LRBA: variants seen among roughly 807,000 people sequenced by gnomAD.
LRBA encodes LPS responsive beige-like anchor protein.
LRBA carries 176 observed loss-of-function variants against 330.0 expected under a neutral mutation model. The observed-to-expected ratio is 0.53, with a 90% CI of 0.47 to 0.60. LRBA has a LOEUF of 0.60. Among genes scored for constraint, LRBA ranks in the 20% least tolerant of loss-of-function variants. The pLI is 0.00. For missense variants in LRBA, 3,259 were observed against 3,444.8 expected (o/e 0.95, Z 1.35); for synonymous variants, 1,230 against 1,193.0 (o/e 1.03, Z -0.64).
In LRBA at chr4:150,850,758, A is replaced by G. The variant is rs1469170429; in HGVS notation, c.3970T>C (p.Phe1324Leu). ...ATCTGTATATCTGTTTCTATTGAAAATAATAGATCAGTGAGCAAACGTTGA... is the reference window on the plus strand; with the variant it reads ...ATCTGTATATCTGTTTCTATTGAAAGTAATAGATCAGTGAGCAAACGTTGA... ...MHQRLLTDLL[F>L]SIETDIQMWR... Residue 1324 changes from phenylalanine to leucine, a missense_variant, in exon 24 of 57, where the codon TTT becomes CTT. Coordinates refer to ENST00000651943, the MANE Select transcript of LRBA (RefSeq NM_001364905.1). The G allele has an allele frequency of 4.3e-6, 7 of 1,612,780 alleles. No homozygotes were observed. Among genetic ancestry groups the G allele is most frequent in the East Asian group, 2.2e-5 (1 of 44,832 alleles).
intron 34 of LRBA, among the ~76,000 whole-genome samples, chr4:150,774,069 T>C (rs1026371722): frequency 3.9e-5 from 6 of 152,186 alleles, no homozygotes; most frequent in Non-Finnish European, 7.3e-5. Context: ...TGACATAACA[T>C]AGACATCTTT....
At chr4:150,632,317 A>G (rs1219941336) in intron 37 of LRBA, among the ~76,000 whole-genome samples, 1 of 152,092 alleles carries the variant, frequency 6.6e-6, no homozygotes, top group Non-Finnish European at 1.5e-5. Context: ...GAAAAATACC[A>G]GCAACAGAAT....
intron 37 of LRBA, among the ~76,000 whole-genome samples, chr4:150,661,643 C>A (rs1269823883): frequency 6.6e-6 from 1 of 151,892 alleles, no homozygotes; most frequent in Non-Finnish European, 1.5e-5. Flanking sequence ...CTGAGTCTCA[C>A]TCTATCGCCC....
At chr4:150,776,590 G>T (rs1321754392) in intron 34 of LRBA, among the ~76,000 whole-genome samples, 3 of 152,136 alleles carry the variant, frequency 2.0e-5, no homozygotes, top group Non-Finnish European at 2.9e-5. Flanking sequence ...AAGGCCAGTG[G>T]ATCACCTGAG....
At chr4:150,281,601 G>A (rs889361822) in intron 55 of LRBA, among the ~76,000 whole-genome samples, 17 of 152,132 alleles carry the variant, frequency 1.1e-4, no homozygotes, top group African/African-American at 2.4e-4. Context: ...CTAGCCCAAC[G>A]CCAGGGTAGA....
Position 150,446,325 on chromosome 4 carries a change from C to T in LRBA, c.6781-9461G>A, listed in dbSNP as rs189097983. Among the ~76,000 whole-genome samples, 73 of 152,196 alleles carry T rather than the reference C, an allele frequency of 4.8e-4. 3 individuals are homozygous for T. The highest frequency in any genetic ancestry group is 4.2e-3 in the Admixed American group (64 of 15,292). ...TATTGTTTGGCAAATGTAAATGAGCCTATGTGGTAGCTTTCAGAAGAAACA... is the reference window on the plus strand; with the variant it reads ...TATTGTTTGGCAAATGTAAATGAGCTTATGTGGTAGCTTTCAGAAGAAACA... On this transcript the variant is annotated intron_variant, in intron 44 of 56. Coordinates refer to ENST00000651943, the MANE Select transcript of LRBA (RefSeq NM_001364905.1).
At chr4:150,334,771 A>T (rs182090612) in intron 48 of LRBA, among the ~76,000 whole-genome samples, 1,738 of 84,758 alleles carry the variant, frequency 0.021, 31 homozygotes, top group African/African-American at 0.08. Flanking sequence ...AAGACAATTT[A>T]AAAAAAAAGG....
At chr4:150,291,836 A>G (rs1728336692) in intron 53 of LRBA, among the ~76,000 whole-genome samples, 1 of 151,896 alleles carries the variant, frequency 6.6e-6, no homozygotes, top group Non-Finnish European at 1.5e-5. Context: ...ATGTCCAACA[A>G]CGATAGACTG....
At chr4:150,273,143 TG>T (rs1746349528) in intron 56 of LRBA, among the ~76,000 whole-genome samples, 1 of 151,854 alleles carries the variant, frequency 6.6e-6, no homozygotes, top group Admixed American at 6.6e-5. Context: ...CAGAAGAGAG[TG>T]GGGGCCAATA....
At chr4:150,726,595 G>A (rs559983985) in intron 36 of LRBA, among the ~76,000 whole-genome samples, 19 of 152,256 alleles carry the variant, frequency 1.2e-4, no homozygotes, top group East Asian at 3.9e-4. Flanking sequence ...AATCATGGTC[G>A]AAGGGGAAAC....
At chr4:150,940,019 T>C (rs1735498380) in intron 2 of LRBA, among the ~76,000 whole-genome samples, 1 of 151,830 alleles carries the variant, frequency 6.6e-6, no homozygotes, top group Admixed American at 6.6e-5. Context: ...TGGTACTCAG[T>C]TTTTCCAAAA....
chr4:150,849,331 G>C (rs1408102398), intron 25 of LRBA, 91 bp downstream of exon 25: 3 of 1,103,892 alleles, frequency 2.7e-6, no homozygotes, highest in Non-Finnish European at 4.0e-6. Flanking sequence ...CACCTACGAT[G>C]CATAGTAACC....
chr4:150,304,982 A>G (rs1323748384), intron 52 of LRBA, among the ~76,000 whole-genome samples: 1 of 152,200 alleles, frequency 6.6e-6, no homozygotes, highest in East Asian at 1.9e-4. Flanking sequence ...GCTTTAGCCT[A>G]TGCCTAAATG....
chr4:150,571,558 G>A (rs886184244), intron 40 of LRBA, among the ~76,000 whole-genome samples: 3 of 149,880 alleles, frequency 2.0e-5, no homozygotes, highest in Non-Finnish European at 3.0e-5. Flanking sequence ...TAAACAAAAA[G>A]ACAGGGGCAT....
At chr4:150,515,057 T>C (rs1334953008) in intron 40 of LRBA, among the ~76,000 whole-genome samples, 1 of 152,186 alleles carries the variant, frequency 6.6e-6, no homozygotes, top group African/African-American at 2.4e-5. Context: ...TAAGCCAGCA[T>C]AATGTTAATG....
chr4:150,398,785 C>T (rs1283948021), intron 47 of LRBA, among the ~76,000 whole-genome samples: 2 of 152,064 alleles, frequency 1.3e-5, no homozygotes, highest in African/African-American at 2.4e-5. Context: ...TGCTACCACA[C>T]CTAGATAAGT....
At chr4:150,451,926 A>G (rs938917868) in intron 44 of LRBA, among the ~76,000 whole-genome samples, 1 of 152,216 alleles carries the variant, frequency 6.6e-6, no homozygotes, top group Non-Finnish European at 1.5e-5. Context: ...CTGAATTCAA[A>G]GTTTTACAAA....
chr4:151,001,252 C>T (rs1018052273), intron 2 of LRBA, among the ~76,000 whole-genome samples: 9 of 152,158 alleles, frequency 5.9e-5, no homozygotes, highest in South Asian at 2.1e-4. Flanking sequence ...CATGTGTCCC[C>T]GACCGCCGAC....
intron 37 of LRBA, among the ~76,000 whole-genome samples, chr4:150,622,736 T>C (rs1776431052): frequency 6.9e-6 from 1 of 144,790 alleles, no homozygotes. Context: ...TCTTGCTCTT[T>C]CACCAGGCCG....
Sources: gnomAD v4.1 joint callset for allele counts (sites outside exome capture counted in the v4.1 genomes callset) on GRCh38, gnomAD v4.1.1 for gene constraint, MANE v1.5 for transcripts, NCBI Gene and HGNC (gene_info 2026-07-23, HGNC 2026-07-21) for gene names.